Variants in SNX29 observed in about 807,000 individuals in gnomAD.
SNX29 encodes sorting nexin 29, also known as sorting nexin-29.
Under a neutral mutation model 102.1 loss-of-function variants are expected in SNX29, and 78 were observed. That is an observed-to-expected ratio of 0.76 (90% CI 0.64 to 0.92). The LOEUF (loss-of-function observed/expected upper bound fraction) is 0.92. Ranked by LOEUF, SNX29 falls within the 40% of genes least tolerant of loss-of-function variation. The pLI, the probability that SNX29 is intolerant of heterozygous loss-of-function variation, is 0.00. For missense variants in SNX29, 1,280 were observed against 1,061.7 expected (o/e 1.21, Z -2.86); for synonymous variants, 580 against 414.5 (o/e 1.40, Z -4.85).
At chr16:12,509,310 C>A (rs1177167158) in intron 19 of SNX29, among the ~76,000 whole-genome samples, 3 of 152,224 alleles carry the variant, frequency 2.0e-5, no homozygotes, top group Non-Finnish European at 4.4e-5. Flanking sequence ...CATCTGTCAG[C>A]CCAGCGAGCC....
In SNX29 at chr16:12,070,475, G is replaced by A. The variant is rs191316832; in HGVS notation, c.1319+1343G>A. On this transcript the variant is annotated intron_variant, in intron 10 of 20. Coordinates refer to ENST00000566228, the MANE Select transcript of SNX29 (RefSeq NM_032167.5). ...AGTTTACCGAGAATGATGATTTCCA[G>A]TTTCATCCATGTCCCTACAAAGGAC... Among the ~76,000 whole-genome samples, 1,381 of 151,566 alleles carry A rather than the reference G, an allele frequency of 9.1e-3. 20 individuals carry two copies. The highest frequency in any genetic ancestry group is 0.032 in the African/African-American group (1,305 of 41,276).
intron 16 of SNX29, among the ~76,000 whole-genome samples, chr16:12,369,083 C>G (rs933658437): frequency 1.4e-4 from 21 of 152,234 alleles, no homozygotes; most frequent in Admixed American, 1.2e-3. Context: ...AGGGAGTAAT[C>G]TCAAGACCCT....
chr16:12,470,134 T>A (rs894667734), intron 18 of SNX29, among the ~76,000 whole-genome samples: 2 of 152,262 alleles, frequency 1.3e-5, no homozygotes, highest in Non-Finnish European at 2.9e-5. Context: ...CCAAGAAAGT[T>A]CCAGCTAATA....
chr16:12,427,009 A>G (rs1439167232), intron 18 of SNX29, among the ~76,000 whole-genome samples: 3 of 152,238 alleles, frequency 2.0e-5, no homozygotes, highest in Non-Finnish European at 4.4e-5. Flanking sequence ...GCTATTTATT[A>G]TATATGCCAG....
At chr16:12,087,322 CAGGCGAATCGCTTG>C (rs2052251216) in intron 11 of SNX29, 1 of 101,686 alleles carries the variant, frequency 9.8e-6, no homozygotes, top group Admixed American at 1.0e-4. Context: ...CGCTTGGAGG[CAGGCGAATCGCTTG>C]AACCCAGGAG....
chr16:12,006,681 T>A (rs1391411223), intron 3 of SNX29, among the ~76,000 whole-genome samples: 1 of 151,914 alleles, frequency 6.6e-6, no homozygotes, highest in African/African-American at 2.4e-5. Context: ...AGTACAGTGG[T>A]GTGATCATGG....
At position 12,122,781 on chromosome 16, in the gene SNX29, C is replaced by T. The variant is rs139383886; in HGVS notation, c.1403-3852C>T. ...TATATTCACATAGCACCACTGAGGC[C>T]GGGCTCCAACTTTTTCATTGCCTAT... On this transcript the variant is annotated intron_variant, in intron 11 of 20. Coordinates refer to ENST00000566228, the MANE Select transcript of SNX29 (RefSeq NM_032167.5). Among the ~76,000 whole-genome samples the T allele has an allele frequency of 2.9e-4, 44 of 152,048 alleles. No individual in the cohort carries two copies. In the East Asian group the frequency reaches 5.6e-3, roughly 19 times the overall value.
intron 8 of SNX29, among the ~76,000 whole-genome samples, chr16:12,055,788 C>G (rs909260871): frequency 1.3e-5 from 2 of 152,252 alleles, no homozygotes; most frequent in Non-Finnish European, 2.9e-5. Context: ...AAATGTTAAT[C>G]TCATCTAATA....
chr16:12,559,485 GTAA>G (rs1386320491), intron 20 of SNX29, among the ~76,000 whole-genome samples: 6 of 151,756 alleles, frequency 4.0e-5, no homozygotes, highest in Non-Finnish European at 5.9e-5. Context: ...TTTCCATGTA[GTAA>G]TAATAGAATG....
rs2055261173 is a variant in SNX29 at position 12,150,693 on chromosome 16, C to T, written c.1595+20935C>T. Among the ~76,000 whole-genome samples, 4 of 152,208 alleles carry T rather than the reference C, an allele frequency of 2.6e-5. 1 individual carries two copies. Among genetic ancestry groups the T allele is most frequent in the South Asian group, 4.1e-4 (2 of 4,828 alleles). On this transcript the variant is annotated intron_variant, in intron 13 of 20. Transcript: ENST00000566228. ...GAGCTGCATCCCTTTGTAATTGCCA[C>T]GGTCACAGTATCGGGAGGCCCCAAG...
At chr16:12,533,089 C>T (rs766135995) in intron 20 of SNX29, among the ~76,000 whole-genome samples, 2 of 152,214 alleles carry the variant, frequency 1.3e-5, no homozygotes, top group African/African-American at 2.4e-5. Flanking sequence ...CCACATCACA[C>T]CTCCGGGGAG....
intron 18 of SNX29, among the ~76,000 whole-genome samples, chr16:12,471,039 T>C (rs555499636): frequency 3.0e-4 from 45 of 152,298 alleles, no homozygotes; most frequent in African/African-American, 8.2e-4. Context: ...TCCCTCCCTA[T>C]GTAGCTGTGC....
intron 7 of SNX29, among the ~76,000 whole-genome samples, 171 bp downstream of exon 7, chr16:12,048,791 C>T (rs975525749): frequency 4.6e-5 from 7 of 152,168 alleles, no homozygotes; most frequent in Admixed American, 6.5e-5. Flanking sequence ...AGGGCTCTGA[C>T]GGCCTTACCT....
At chr16:12,380,754 C>G (rs1219736580) in intron 16 of SNX29, among the ~76,000 whole-genome samples, 25 of 120,250 alleles carry the variant, frequency 2.1e-4, no homozygotes, top group Non-Finnish European at 1.8e-5. Context: ...CACCCACCAT[C>G]CATCCACCCA....
intron 16 of SNX29, among the ~76,000 whole-genome samples, chr16:12,370,978 T>C (rs2082660922): frequency 6.6e-6 from 1 of 152,226 alleles, no homozygotes; most frequent in South Asian, 2.1e-4. Context: ...ACCTTGGTAT[T>C]ACCTACACCC....
chr16:12,342,799 C>G (rs1004894564), intron 15 of SNX29, among the ~76,000 whole-genome samples: 1 of 152,200 alleles, frequency 6.6e-6, no homozygotes. Flanking sequence ...CCAAGTTCAT[C>G]CCCCAGACCA....
chr16:12,159,480 C>G (rs1319532287), intron 13 of SNX29, among the ~76,000 whole-genome samples: 2 of 152,200 alleles, frequency 1.3e-5, no homozygotes, highest in Non-Finnish European at 2.9e-5. Flanking sequence ...GCTGAAGTTT[C>G]ACCAAAGGAT....
chr16:12,202,418 T>C (rs1216188322), intron 14 of SNX29, among the ~76,000 whole-genome samples: 1 of 152,222 alleles, frequency 6.6e-6, no homozygotes, highest in Non-Finnish European at 1.5e-5. Flanking sequence ...TCCTTGGTGA[T>C]GTCAGATTTG....
chr16:12,487,849 G>A (rs1427716199), intron 19 of SNX29, among the ~76,000 whole-genome samples: 1 of 152,182 alleles, frequency 6.6e-6, no homozygotes, highest in Non-Finnish European at 1.5e-5. Flanking sequence ...CAACCACCAT[G>A]TAAATATTCC....
Sources: allele counts gnomAD v4.1 joint callset (sites outside exome capture counted in the v4.1 genomes callset), GRCh38; gene constraint gnomAD v4.1.1; transcripts MANE v1.5; gene names NCBI Gene and HGNC (gene_info 2026-07-23, HGNC 2026-07-21).